Variants in TMEM147 observed in about 807,000 individuals in gnomAD.
TMEM147 encodes the protein BOS complex subunit TMEM147.
TMEM147 carries 29 observed loss-of-function variants against 29.4 expected under a neutral mutation model. The observed-to-expected ratio is 0.99, with a 90% CI of 0.73 to 1.34. TMEM147 has a LOEUF of 1.34. Ranked by LOEUF, TMEM147 falls within the 40% of genes most tolerant of loss-of-function variation. The pLI is 0.00. For synonymous variants in TMEM147, 121 were observed against 111.8 expected (o/e 1.08, Z -0.52); for missense variants, 260 against 289.4 (o/e 0.90, Z 0.74).
intron 2 of TMEM147, 128 bp downstream of exon 2, chr19:35,546,085 G>A (rs188037352): frequency 9.4e-5 from 99 of 1,048,678 alleles, no homozygotes; most frequent in Non-Finnish European, 1.3e-4. Flanking sequence ...GCACTGGGAG[G>A]CGTCAGGATA....
chr19:35,546,320 A>G, intron 2 of TMEM147: 1 of 636,180 alleles, frequency 1.6e-6, no homozygotes, highest in Non-Finnish European at 2.7e-6. Flanking sequence ...CCCAGAACTC[A>G]AACTTCCAGC....
Position 35,546,579 on chromosome 19 carries a change from C to T in TMEM147, c.201C>T (p.Phe67=), listed in dbSNP as rs1223728284. The T allele has an allele frequency of 1.2e-6, 2 of 1,613,386 alleles. No homozygotes were observed. The highest frequency in any genetic ancestry group is 4.5e-5 in the East Asian group (2 of 44,880). The stretch of plus-strand genomic sequence containing the variant: ...CCTGGGAAGGCGGCATCTATGACTT[C>T]ATTGGGGTGAGAGGGGCCAGGGAAG... The part of the protein sequence containing the change: ...FPTWEGGIYD[F]IGEFMKASVD... The change falls in exon 3 of 7, where the codon TTC becomes TTT. Residue 67 remains phenylalanine (F), a synonymous_variant. Coordinates refer to ENST00000222284, the MANE Select transcript of TMEM147 (RefSeq NM_032635.4).
At chr19:35,545,988 GC>G in intron 2 of TMEM147, 31 bp downstream of exon 2, 2 of 1,606,942 alleles carry the variant, frequency 1.2e-6, no homozygotes, top group Non-Finnish European at 8.5e-7. Context: ...ACGTGTTCTG[GC>G]CCCCAGGCTC....
chr19:35,545,747 T>C lies in TMEM147; in HGVS notation c.8T>C (p.Leu3Pro), dbSNP rs138602496. The change falls in exon 1 of 7, where the codon CTG (leucine) becomes CCG (proline). Residue 3 changes from leucine to proline, a missense_variant. Coordinates refer to ENST00000222284, the MANE Select transcript of TMEM147 (RefSeq NM_032635.4). MTLFHFGNCFALA... is the reference protein window; with the variant it reads MTPFHFGNCFALA... The stretch of plus-strand genomic sequence containing the variant: ...GACCGGGCGGCCGGCATCATGACCC[T>C]GTTTCACTTCGGGAACTGCTTCGCT... 1.6e-5 allele frequency: 26 copies of C among 1,612,332 alleles called. No individual in the cohort carries two copies. The African/African-American group carries it at 2.5e-4, about 16-fold the overall frequency.
chr19:35,547,330 C>A lies in TMEM147; in HGVS notation c.558C>A (p.Phe186Leu). Residue 186 changes from phenylalanine (F) to leucine (L), a missense_variant, in exon 7 of 7, where the codon TTC becomes TTA. Physicochemically the swap from Phe to Leu is conservative, Grantham distance 22. Coordinates refer to ENST00000222284, the MANE Select transcript of TMEM147 (RefSeq NM_032635.4). ...TTGTGACATTTTCCTGCAGGACCTT[C>A]GTCCACCTCTGCTCGCTGGGCAGTT... ...SVYKAFVMET[F>L]VHLCSLGSWA... 6.2e-7 allele frequency: 1 copy of A among 1,613,952 alleles called. No individual in the cohort carries two copies. The highest frequency in any genetic ancestry group is 8.5e-7 in the Non-Finnish European group (1 of 1,179,958).
intron 5 of TMEM147, 29 bp from the exon 6 acceptor site, chr19:35,547,090 C>A (rs933190231): frequency 1.2e-6 from 2 of 1,614,094 alleles, no homozygotes; most frequent in Admixed American, 1.7e-5. Flanking sequence ...CTCCCCAAGG[C>A]CTGGCCCCGA....
chr19:35,546,304 T>G, intron 2 of TMEM147: 1 of 609,636 alleles, frequency 1.6e-6, no homozygotes, highest in South Asian at 2.0e-5. Flanking sequence ...AGATGCCCTG[T>G]GATCACCCAG....
chr19:35,546,918 G>A, intron 4 of TMEM147, 27 bp from the exon 5 acceptor site: 2 of 1,614,130 alleles, frequency 1.2e-6, no homozygotes, highest in South Asian at 1.1e-5. Flanking sequence ...CTGAGTACTG[G>A]AGAATCCCAT....
intron 2 of TMEM147, 181 bp from the exon 3 acceptor site, chr19:35,546,344 CG>C: frequency 1.4e-6 from 1 of 703,480 alleles, no homozygotes; most frequent in Non-Finnish European, 2.3e-6. Flanking sequence ...CTCGGGGACC[CG>C]GGGACCTATC....
At position 35,545,678 on chromosome 19, in the gene TMEM147, G is replaced by A; in HGVS notation, c.-62G>A. ...TGGCGAAAGAGCCGGCGGAGCCGGA[G>A]ACCCGCTCCCGGAGACGCCGCCTCG... On this transcript the variant is annotated 5_prime_UTR_variant, in exon 1 of 7. Coordinates refer to ENST00000222284, the MANE Select transcript of TMEM147 (RefSeq NM_032635.4). The A allele has an allele frequency of 6.4e-7, 1 of 1,572,016 alleles. No homozygotes were observed. The highest frequency in any genetic ancestry group is 8.6e-7 in the Non-Finnish European group (1 of 1,158,804).
rs1301611238 is a variant in TMEM147, at chr19:35,546,586, G to A, written c.207+1G>A. 1 of 1,613,100 alleles carries A rather than the reference G, an allele frequency of 6.2e-7. No individual in the cohort carries two copies. Among genetic ancestry groups the A allele is most frequent in the Non-Finnish European group, 8.5e-7 (1 of 1,179,598 alleles). ...AGGCGGCATCTATGACTTCATTGGG[G>A]TGAGAGGGGCCAGGGAAGGGAAGGG... On this transcript the variant is annotated splice_donor_variant, in intron 3 of 6. Coordinates refer to ENST00000222284, the MANE Select transcript of TMEM147 (RefSeq NM_032635.4). LOFTEE classifies it high-confidence loss of function.
rs1307719323 is a variant in TMEM147, at chr19:35,545,658, A to G, written c.-82A>G. Reference sequence around the variant, plus strand: ...TGGGTGCCAGGCCCTGGCCGTGGCGAAAGAGCCGGCGGAGCCGGAGACCCG... The same window carrying G: ...TGGGTGCCAGGCCCTGGCCGTGGCGGAAGAGCCGGCGGAGCCGGAGACCCG... On this transcript the variant is annotated 5_prime_UTR_variant, in exon 1 of 7. Coordinates refer to ENST00000222284, the MANE Select transcript of TMEM147 (RefSeq NM_032635.4). The G allele has an allele frequency of 3.3e-6, 5 of 1,505,448 alleles. No individual in the cohort carries two copies. Among genetic ancestry groups the G allele is most frequent in the East Asian group, 2.3e-5 (1 of 43,524 alleles). 93.3% of individuals were successfully genotyped at this position (1,505,448 alleles called of 1,614,324 possible).
At chr19:35,545,979 C>T (rs111875296) in intron 2 of TMEM147, 22 bp downstream of exon 2, 5 of 1,610,196 alleles carry the variant, frequency 3.1e-6, no homozygotes, top group African/African-American at 1.3e-5. Flanking sequence ...CGGGAAGCCA[C>T]GTGTTCTGGC....
At chr19:35,546,482 A>AT (rs780350055) in intron 2 of TMEM147, 44 bp from the exon 3 acceptor site, 130 of 1,584,406 alleles carry the variant, frequency 8.2e-5, no homozygotes, top group Non-Finnish European at 1.0e-4. Context: ...GTTTATCTTG[A>AT]TCCCCTCACC....
In TMEM147 at chr19:35,546,531, G is replaced by A. The variant is rs149260936; in HGVS notation, c.153G>A (p.Leu51=). The A allele has an allele frequency of 8.7e-6, 14 of 1,612,792 alleles. No homozygotes were observed. Among genetic ancestry groups the A allele is most frequent in the African/African-American group, 4.0e-5 (3 of 74,898 alleles). ...TYLFVQLCKM[L]FLATFFPTWE... is the part of the protein sequence containing the mutation. ...TTTCTGCTTTCTGTTCTCAGATGCT[G>A]TTCTTGGCCACTTTCTTTCCCACCT... The change falls in exon 3 of 7, where the codon CTG becomes CTA. Residue 51 remains leucine, a synonymous_variant. Transcript: ENST00000222284.
chr19:35,546,869 G>T (rs1390610409), intron 4 of TMEM147, 61 bp downstream of exon 4: 5 of 1,614,126 alleles, frequency 3.1e-6, no homozygotes, highest in South Asian at 1.1e-5. Flanking sequence ...CCACGGGGGT[G>T]CTGGAGGGCA....
In TMEM147 at chr19:35,545,765, G is replaced by T. The variant is rs2071546823; in HGVS notation, c.26G>T (p.Cys9Phe). The T allele has an allele frequency of 6.2e-7, 1 of 1,613,342 alleles. No homozygotes were observed. Among genetic ancestry groups the T allele is most frequent in the Non-Finnish European group, 8.5e-7 (1 of 1,179,888 alleles). Residue 9 changes from cysteine to phenylalanine, a missense_variant, in exon 1 of 7, where the codon TGC becomes TTC. By Grantham distance (205) the Cys-to-Phe change is radical. Transcript: ENST00000222284. MTLFHFGN[C>F]FALAYFPYFI... ...ATGACCCTGTTTCACTTCGGGAACTGCTTCGCTCTTGCCTACTTCCCCTAC... is the reference window on the plus strand; with the variant it reads ...ATGACCCTGTTTCACTTCGGGAACTTCTTCGCTCTTGCCTACTTCCCCTAC...
At chr19:35,547,269 C>T in intron 6 of TMEM147, 29 bp downstream of exon 6, 8 of 1,614,068 alleles carry the variant, frequency 5.0e-6, no homozygotes, top group Non-Finnish European at 6.8e-6. Context: ...AGGGCTGGGT[C>T]CAAAGTGGGG....
Position 35,546,875 on chromosome 19 carries a change from G to A in TMEM147, c.344+67G>A, listed in dbSNP as rs1330388849. 2.5e-6 allele frequency: 4 copies of A among 1,614,026 alleles called. No individual in the cohort carries two copies. The African/African-American group carries it at 4.0e-5, about 16-fold the overall frequency. On this transcript the variant is annotated intron_variant, in intron 4 of 6. Coordinates refer to ENST00000222284, the MANE Select transcript of TMEM147 (RefSeq NM_032635.4). ...ACCTGGGTTCCACGGGGGTGCTGGA[G>A]GGCAGGGGCTCAAAGCCTGGTGCTG...
Sources: gnomAD v4.1 joint callset for allele counts on GRCh38, gnomAD v4.1.1 for gene constraint, MANE v1.5 for transcripts, NCBI Gene and HGNC (gene_info 2026-07-23, HGNC 2026-07-21) for gene names.